The following SORCS3 variants were observed in gnomAD, a reference collection of about 807,000 sequenced individuals.
SORCS3 encodes the protein VPS10 domain-containing receptor SorCS3.
A neutral mutation model predicts 146.3 loss-of-function variants in SORCS3; 57 were observed. The ratio of observed to expected loss-of-function variants is 0.39; its 90% CI spans 0.31 to 0.49. The LOEUF is 0.49. Ranked by LOEUF, SORCS3 falls within the 20% of genes least tolerant of loss-of-function variation. The probability of loss-of-function intolerance (pLI) is 0.92; values close to 1 mark genes in which losing one functional copy is unlikely to be tolerated. For missense variants in SORCS3, 1,341 were observed against 1,575.5 expected, an observed-to-expected ratio of 0.85 and a Z score of 2.52; for synonymous variants, 653 against 618.5, an observed-to-expected ratio of 1.06 and a Z score of -0.83.
At chr10:104,769,741 C>T (rs990320453) in intron 1 of SORCS3, among the ~76,000 whole-genome samples, 1 of 152,084 alleles carries the variant, frequency 6.6e-6, no homozygotes, top group Non-Finnish European at 1.5e-5. Context: ...TGAGCACTGA[C>T]TCTGAGGCTT....
intron 5 of SORCS3, among the ~76,000 whole-genome samples, chr10:105,055,093 C>T (rs890711995): frequency 6.6e-6 from 1 of 152,012 alleles, no homozygotes; most frequent in Admixed American, 6.6e-5. Context: ...TCTTTTTATT[C>T]CATTCTGTGA....
intron 1 of SORCS3, among the ~76,000 whole-genome samples, chr10:104,762,114 C>T (rs10786820): frequency 0.77 from 117,707 of 152,106 alleles, 45,740 homozygotes; most frequent in East Asian, 0.94. Flanking sequence ...GGTGGATAGC[C>T]TTCATTCTCC....
At chr10:104,765,954 T>C (rs993303419) in intron 1 of SORCS3, among the ~76,000 whole-genome samples, 1 of 152,196 alleles carries the variant, frequency 6.6e-6, no homozygotes. Context: ...TCTAGGCCTG[T>C]GTGGGGAACA....
intron 1 of SORCS3, among the ~76,000 whole-genome samples, chr10:104,831,909 A>G (rs1165269793): frequency 1.3e-5 from 2 of 152,226 alleles, no homozygotes; most frequent in East Asian, 3.8e-4. Context: ...GTGCACACAC[A>G]TTCTGAGCCT....
chr10:105,250,686 G>C (rs1247697776), intron 22 of SORCS3, among the ~76,000 whole-genome samples: 2 of 152,086 alleles, frequency 1.3e-5, no homozygotes, highest in African/African-American at 4.8e-5. Flanking sequence ...TTGCTTTAAG[G>C]TAGTTAAAGG....
chr10:104,727,539 G>T (rs1253946076), intron 1 of SORCS3, among the ~76,000 whole-genome samples: 1 of 108,668 alleles, frequency 9.2e-6, no homozygotes, highest in Non-Finnish European at 1.9e-5. Context: ...GGATATATGT[G>T]TGTGTGTATA....
chr10:104,794,437 G>T (rs1408869310), intron 1 of SORCS3, among the ~76,000 whole-genome samples: 1 of 152,052 alleles, frequency 6.6e-6, no homozygotes, highest in Non-Finnish European at 1.5e-5. Context: ...GGGAGTGCTG[G>T]GGCCCAGAGC....
intron 5 of SORCS3, among the ~76,000 whole-genome samples, chr10:105,086,034 C>G (rs1300602871): frequency 3.9e-5 from 6 of 151,930 alleles, no homozygotes; most frequent in African/African-American, 1.5e-4. Flanking sequence ...TTTTTATAGA[C>G]CTGATATTCC....
rs1470272600 is a variant in SORCS3 at position 105,165,265 on chromosome 10, G to A, written c.1809+886G>A. ...TCAGGGTGATAATAATATTTTAGTG[G>A]CATTATTAGCATACAAAGAAAAGAG... On this transcript the variant is annotated intron_variant, in intron 12 of 26. Coordinates refer to ENST00000369701, the MANE Select transcript of SORCS3 (RefSeq NM_014978.3). 3.3e-5 allele frequency among the ~76,000 whole-genome samples: 5 copies of A among 152,052 alleles called. No homozygotes were observed. The East Asian group carries it at 9.6e-4, about 29-fold the overall frequency.
At chr10:104,830,930 G>T (rs1352880934) in intron 1 of SORCS3, among the ~76,000 whole-genome samples, 1 of 152,088 alleles carries the variant, frequency 6.6e-6, no homozygotes, top group Non-Finnish European at 1.5e-5. Flanking sequence ...TCCTGCCTCA[G>T]CCTCCCGAGT....
chr10:104,936,354 G>C (rs1286197281), intron 3 of SORCS3, among the ~76,000 whole-genome samples: 2 of 152,112 alleles, frequency 1.3e-5, no homozygotes, highest in Non-Finnish European at 2.9e-5. Flanking sequence ...GTATGGAGGG[G>C]CCAGCTGTGA....
chr10:104,785,473 A>G (rs1589498283), intron 1 of SORCS3, among the ~76,000 whole-genome samples: 2 of 142,774 alleles, frequency 1.4e-5, no homozygotes, highest in Non-Finnish European at 3.0e-5. Flanking sequence ...CTGCCTAGGA[A>G]AACCAGAGAC....
At chr10:104,989,137 A>G (rs941608529) in intron 4 of SORCS3, among the ~76,000 whole-genome samples, 1 of 152,234 alleles carries the variant, frequency 6.6e-6, no homozygotes, top group Admixed American at 6.5e-5. Flanking sequence ...GCCGTATAAT[A>G]TATCATTCAT....
chr10:104,678,160 G>A (rs542133233), intron 1 of SORCS3, among the ~76,000 whole-genome samples: 1 of 131,254 alleles, frequency 7.6e-6, no homozygotes, highest in Admixed American at 8.2e-5. Context: ...ACAATAAAGG[G>A]AGTGTACTTT....
chr10:104,841,522 C>A (rs1476104828), intron 1 of SORCS3, among the ~76,000 whole-genome samples: 2 of 151,978 alleles, frequency 1.3e-5, no homozygotes, highest in Non-Finnish European at 2.9e-5. Context: ...ATATCCCTTG[C>A]CTTTAATTTT....
chr10:104,854,394 A>G (rs2018307112), intron 2 of SORCS3, among the ~76,000 whole-genome samples: 1 of 152,164 alleles, frequency 6.6e-6, no homozygotes, highest in African/African-American at 2.4e-5. Flanking sequence ...CACATTTTTA[A>G]TGCAAATTTT....
At chr10:104,828,182 C>T (rs951579040) in intron 1 of SORCS3, among the ~76,000 whole-genome samples, 2 of 152,174 alleles carry the variant, frequency 1.3e-5, no homozygotes, top group African/African-American at 4.8e-5. Flanking sequence ...AGAGACCTAG[C>T]TTTCAGTCTA....
chr10:104,701,708 T>G (rs2016281040), intron 1 of SORCS3, among the ~76,000 whole-genome samples: 1 of 152,222 alleles, frequency 6.6e-6, no homozygotes, highest in Admixed American at 6.5e-5. Flanking sequence ...GCAGTGGTAA[T>G]GAAGGGTGTA....
chr10:104,695,963 A>C (rs938867245), intron 1 of SORCS3, among the ~76,000 whole-genome samples: 6 of 143,410 alleles, frequency 4.2e-5, no homozygotes, highest in Non-Finnish European at 7.5e-5. Flanking sequence ...TATTATATAC[A>C]CATATAATAT....
Sources: gnomAD v4.1 joint callset for allele counts (sites outside exome capture counted in the v4.1 genomes callset) on GRCh38, gnomAD v4.1.1 for gene constraint, MANE v1.5 for transcripts, NCBI Gene and HGNC (gene_info 2026-07-23, HGNC 2026-07-21) for gene names.